USP13: variants seen among roughly 807,000 people sequenced by gnomAD.
USP13 encodes the protein ubiquitin carboxyl-terminal hydrolase 13.
In USP13, 68 loss-of-function variants were observed where a neutral mutation model predicts 107.8. The observed-to-expected ratio is 0.63, with a 90% CI of 0.52 to 0.77. USP13 has a LOEUF of 0.77. Ranked by LOEUF, USP13 falls within the 30% of genes least tolerant of loss-of-function variation. USP13 has a pLI of 0.00. For synonymous variants in USP13, 377 were observed against 389.5 expected, an observed-to-expected ratio of 0.97 and a Z score of 0.38; for missense variants, 945 against 1,093.3, an observed-to-expected ratio of 0.86 and a Z score of 1.91.
In USP13 at chr3:179,681,893, C is replaced by T; in HGVS notation, c.184C>T (p.Leu62Phe). The T allele has an allele frequency of 6.2e-7, 1 of 1,612,820 alleles. No individual in the cohort carries two copies. Among genetic ancestry groups the T allele is most frequent in the Non-Finnish European group, 8.5e-7 (1 of 1,179,412 alleles). Residue 62 changes from leucine (L) to phenylalanine (F), a missense_variant, in exon 2 of 21, where the codon CTC (leucine) becomes TTC (phenylalanine). Coordinates refer to ENST00000263966, the MANE Select transcript of USP13 (RefSeq NM_003940.3). ...SYDSPNSEGG[L>F]YVCMNTFLAF... ...TTTCTTCTAGAATTCTGAAGGTGGA[C>T]TCTATGTATGCATGAATACATTTTT...
At chr3:179,693,451 C>T (rs963806396) in intron 3 of USP13, among the ~76,000 whole-genome samples, 1 of 152,030 alleles carries the variant, frequency 6.6e-6, no homozygotes, top group African/African-American at 2.4e-5. Flanking sequence ...CTGTGCCTGG[C>T]CAGGAAGTTA....
chr3:179,734,724 A>G (rs2108507643), intron 10 of USP13, among the ~76,000 whole-genome samples: 1 of 152,302 alleles, frequency 6.6e-6, no homozygotes, highest in East Asian at 1.9e-4. Context: ...GGCCTGGGTT[A>G]AACACTTACT....
intron 6 of USP13, among the ~76,000 whole-genome samples, chr3:179,713,293 CAG>C (rs71182512): frequency 0.037 from 5,690 of 152,268 alleles, 155 homozygotes; most frequent in Non-Finnish European, 0.055. Context: ...GAATATTGTG[CAG>C]AGTCAGTTTT....
intron 16 of USP13, among the ~76,000 whole-genome samples, chr3:179,758,533 C>G (rs1350229198): frequency 1.3e-5 from 2 of 151,402 alleles, no homozygotes; most frequent in East Asian, 1.9e-4. Flanking sequence ...GAGTCTTGCT[C>G]TATCACCCAG....
At chr3:179,728,827 C>G (rs1043121492) in intron 8 of USP13, among the ~76,000 whole-genome samples, 1 of 151,794 alleles carries the variant, frequency 6.6e-6, no homozygotes, top group Admixed American at 6.5e-5. Flanking sequence ...CAAAAAAATA[C>G]GAGAACCAGT....
At chr3:179,735,806 G>A (rs931758202) in intron 10 of USP13, among the ~76,000 whole-genome samples, 25 of 152,194 alleles carry the variant, frequency 1.6e-4, no homozygotes, top group Admixed American at 5.2e-4. Context: ...GCTGAGGCAG[G>A]AAGACTGCTT....
chr3:179,709,545 CT>C (rs534622509), intron 6 of USP13, among the ~76,000 whole-genome samples: 28 of 152,194 alleles, frequency 1.8e-4, no homozygotes, highest in Non-Finnish European at 3.4e-4. Flanking sequence ...AGAGTTGGTT[CT>C]GTTTCTTTTT....
chr3:179,706,884 G>A lies in USP13; in HGVS notation c.478-50G>A, dbSNP rs775945374. On this transcript the variant is annotated intron_variant, in intron 4 of 20. Transcript: ENST00000263966. The stretch of plus-strand genomic sequence containing the variant: ...TGAATTTGCTATTCACTAGCAAATC[G>A]TTATTTTCTCAAACTGTTTTTATAT... 13 of 1,547,756 alleles carry A rather than the reference G, an allele frequency of 8.4e-6. No homozygotes were observed. In the East Asian group the frequency reaches 2.8e-4, roughly 33 times the overall value.
chr3:179,701,216 G>C, intron 4 of USP13, 87 bp downstream of exon 4: 1 of 1,275,846 alleles, frequency 7.8e-7, no homozygotes, highest in Non-Finnish European at 1.1e-6. Context: ...TGCGGGGGTG[G>C]GGTGGGGTGG....
chr3:179,778,784 C>T (rs1576996809), intron 19 of USP13, among the ~76,000 whole-genome samples: 1 of 149,788 alleles, frequency 6.7e-6, no homozygotes, highest in Admixed American at 6.7e-5. Flanking sequence ...AAAAAAAAAA[C>T]GAATGCGACA....
intron 6 of USP13, among the ~76,000 whole-genome samples, chr3:179,714,988 A>C (rs1264733462): frequency 6.6e-6 from 1 of 150,642 alleles, no homozygotes; most frequent in East Asian, 2.0e-4. Flanking sequence ...CTCCCAGCTC[A>C]GCCTCCCAAG....
At chr3:179,673,808 C>T (rs150543926) in intron 1 of USP13, among the ~76,000 whole-genome samples, 1 of 152,290 alleles carries the variant, frequency 6.6e-6, no homozygotes, top group Non-Finnish European at 1.5e-5. Context: ...GTTCACCTAG[C>T]CCTAGACAAG....
intron 1 of USP13, among the ~76,000 whole-genome samples, chr3:179,661,221 G>A (rs1459006665): frequency 3.3e-5 from 5 of 152,128 alleles, no homozygotes; most frequent in Non-Finnish European, 7.4e-5. Context: ...CCTTACTTTG[G>A]AAACCAAAGT....
At chr3:179,689,009 T>C (rs948110323) in intron 2 of USP13, among the ~76,000 whole-genome samples, 2 of 152,216 alleles carry the variant, frequency 1.3e-5, no homozygotes, top group African/African-American at 4.8e-5. Flanking sequence ...CTGTAAAAAC[T>C]TAATGTGAGA....
Position 179,653,552 on chromosome 3 carries a change from C to A in USP13, c.168+159C>A. On this transcript the variant is annotated intron_variant, in intron 1 of 20. Coordinates refer to ENST00000263966, the MANE Select transcript of USP13 (RefSeq NM_003940.3). This position sits in a 1 kb window ranked among gnomAD's most constrained non-coding sequence, Gnocchi z 4.0. ...AGTTCGGCAGACACTTAGTGAGCGC[C>A]CCAGGGCTGCTGCAGCCGAGGACTG... is the stretch of plus-strand genomic sequence containing the variant. 1 of 1,016,198 alleles carries A rather than the reference C, an allele frequency of 9.8e-7. No homozygotes were observed. The highest frequency in any genetic ancestry group is 2.9e-5 in the East Asian group (1 of 35,008). The allele number at this position is 1,016,198 out of a possible 1,614,324, so 62.9% of individuals were successfully genotyped here.
At chr3:179,659,582 T>C (rs1720397020) in intron 1 of USP13, among the ~76,000 whole-genome samples, 1 of 152,160 alleles carries the variant, frequency 6.6e-6, no homozygotes, top group Non-Finnish European at 1.5e-5. Context: ...TTATTGCATA[T>C]ATTATTATAC....
Position 179,690,365 on chromosome 3 carries a change from T to C in USP13, c.355+64T>C, listed in dbSNP as rs376377867. 2,948 of 1,386,328 alleles carry C rather than the reference T, an allele frequency of 2.1e-3. 77 individuals carry two copies. In the South Asian group the frequency reaches 0.034, roughly 16 times the overall value. The allele number at this position is 1,386,328 out of a possible 1,614,324, so 85.9% of individuals were successfully genotyped here. On this transcript the variant is annotated intron_variant, in intron 3 of 20. Transcript: ENST00000263966. ...GTGTGTGTGTATATGTGCATACTCA[T>C]GTGCATCTTTGATTTAGAGTAATAG...
At chr3:179,718,286 C>CTTT (rs5854843) in intron 6 of USP13, among the ~76,000 whole-genome samples, 1 of 145,266 alleles carries the variant, frequency 6.9e-6, no homozygotes, top group Non-Finnish European at 1.5e-5. Context: ...TCTTTAGAAA[C>CTTT]TTTTTTTTTT....
In USP13 at chr3:179,720,010, A is replaced by AATTGAT. The variant is rs1560061265; in HGVS notation, c.879_884dup (p.Ile293_Asp294dup). ...TGGCCAAGCACTTAGCGCATTTTGG[A>AATTGAT]ATTGATATGCTTCATATGCATGGGG... On this transcript the variant is annotated inframe_insertion, in exon 7 of 21. Transcript: ENST00000263966. The AATTGAT allele has an allele frequency of 1.9e-6, 3 of 1,614,042 alleles. No homozygotes were observed. The highest frequency in any genetic ancestry group is 1.6e-4 in the Middle Eastern group (1 of 6,062).
Sources: gnomAD v4.1 joint callset for allele counts (sites outside exome capture counted in the v4.1 genomes callset) on GRCh38, gnomAD v4.1.1 for gene constraint, Gnocchi (gnomAD v3.1) non-coding constraint, MANE v1.5 for transcripts, NCBI Gene and HGNC (gene_info 2026-07-23, HGNC 2026-07-21) for gene names.